The following MTA3 variants were observed in gnomAD, a reference collection of about 807,000 sequenced individuals.
MTA3 encodes the protein metastasis associated 1 family member 3.
MTA3 carries 34 observed loss-of-function variants against 83.5 expected under a neutral mutation model. The ratio of observed to expected loss-of-function variants is 0.41; its 90% CI spans 0.31 to 0.54. MTA3 has a LOEUF of 0.54. MTA3 is among the 20% of genes least tolerant of loss of function. MTA3 has a pLI of 0.33. For synonymous variants in MTA3, 303 were observed against 252.7 expected, an observed-to-expected ratio of 1.20 and a Z score of -1.89; for missense variants, 761 against 726.4, an observed-to-expected ratio of 1.05 and a Z score of -0.55.
chr2:42,689,926 T>G (rs1323104070), intron 9 of MTA3, among the ~76,000 whole-genome samples: 1 of 152,164 alleles, frequency 6.6e-6, no homozygotes, highest in African/African-American at 2.4e-5. Context: ...TATTACTTCT[T>G]TCCTTTACAT....
chr2:42,564,103 G>A (rs1253463273), upstream of MTA3, among the ~76,000 whole-genome samples: 1 of 152,190 alleles, frequency 6.6e-6, no homozygotes, highest in Admixed American at 6.5e-5. Flanking sequence ...TTACAGGTGT[G>A]TGCCACTGTG....
chr2:42,584,158 A>C (rs1428568246), intron 3 of MTA3, among the ~76,000 whole-genome samples: 1 of 152,082 alleles, frequency 6.6e-6, no homozygotes, highest in Non-Finnish European at 1.5e-5. Context: ...CTCTTAAAAA[A>C]AACAAACTTT....
At chr2:42,535,404 T>A (rs1676182204) in intron 2 of MTA3, among the ~76,000 whole-genome samples, 1 of 151,176 alleles carries the variant, frequency 6.6e-6, no homozygotes, top group Non-Finnish European at 1.5e-5. Context: ...ACAGACAAAC[T>A]TTTTTTTTAT....
At chr2:42,631,630 G>A (rs1008682686) in intron 4 of MTA3, among the ~76,000 whole-genome samples, 4 of 152,106 alleles carry the variant, frequency 2.6e-5, no homozygotes, top group African/African-American at 9.7e-5. Flanking sequence ...GTCCCCTCAA[G>A]CATTCATACT....
chr2:42,575,358 G>A (rs553510229), intron 2 of MTA3, among the ~76,000 whole-genome samples: 15 of 152,284 alleles, frequency 9.9e-5, no homozygotes, highest in South Asian at 6.2e-4. Flanking sequence ...CATTCTGAGT[G>A]CCTTAGAATA....
chr2:42,601,470 T>A (rs1453864383), intron 3 of MTA3, among the ~76,000 whole-genome samples: 1 of 152,208 alleles, frequency 6.6e-6, no homozygotes, highest in Non-Finnish European at 1.5e-5. Flanking sequence ...GAGCACTGCC[T>A]TGTCTGTTTT....
In MTA3 at chr2:42,496,298, T is replaced by G. The variant is rs917781680; in HGVS notation, c.-141+1044T>G. Among the ~76,000 whole-genome samples, 19 of 152,350 alleles carry G rather than the reference T, an allele frequency of 1.2e-4. No individual in the cohort carries two copies. In the East Asian group the frequency reaches 1.9e-3, roughly 15 times the overall value. On this transcript the variant is annotated intron_variant, in intron 2 of 17. Coordinates refer to the MTA3 transcript ENST00000405592. ...TCATTTGTTTCAAGAGTAATATTTT[T>G]ATTTGATTTTAATATCATCAACCAC... is the stretch of plus-strand genomic sequence containing the variant.
chr2:42,745,605 C>T lies in MTA3; in HGVS notation c.1760-7769C>T, dbSNP rs115808103. Among the ~76,000 whole-genome samples, 828 of 152,164 alleles carry T rather than the reference C, an allele frequency of 5.4e-3. 3 individuals are homozygous for T. Among genetic ancestry groups the T allele is most frequent in the African/African-American group, 0.018 (739 of 41,494 alleles). On this transcript the variant is annotated intron_variant, in intron 16 of 16. Transcript: ENST00000405094. ...CTTGCTATGTTGCTCAAGCTGGTCTCGATTTCCCAGCCTTAAGCCATTCTC... is the reference window on the plus strand; with the variant it reads ...CTTGCTATGTTGCTCAAGCTGGTCTTGATTTCCCAGCCTTAAGCCATTCTC...
chr2:42,554,634 G>T (rs913917491), intron 2 of MTA3, among the ~76,000 whole-genome samples: 2 of 152,138 alleles, frequency 1.3e-5, no homozygotes, highest in African/African-American at 4.8e-5. Context: ...AAGCCAGCCC[G>T]AATGACAGCT....
chr2:42,572,769 C>G (rs1678634471), intron 2 of MTA3, among the ~76,000 whole-genome samples: 1 of 151,966 alleles, frequency 6.6e-6, no homozygotes, highest in South Asian at 2.1e-4. Flanking sequence ...CTCTTGTTGC[C>G]CAGACTGGAG....
intron 14 of MTA3, chr2:42,709,432 C>A: frequency 2.2e-6 from 1 of 456,288 alleles, no homozygotes; most frequent in Non-Finnish European, 3.4e-6. Context: ...TTAGGTAGTG[C>A]CACAATGTAA....
At chr2:42,715,929 T>G (rs1666994206) in intron 14 of MTA3, among the ~76,000 whole-genome samples, 1 of 152,202 alleles carries the variant, frequency 6.6e-6, no homozygotes, top group East Asian at 1.9e-4. Flanking sequence ...AAAGAAAAAT[T>G]TATCTTGTCC....
chr2:42,729,092 T>TG lies in MTA3; in HGVS notation c.1759+6057_1759+6058insG, dbSNP rs1553397736. On this transcript the variant is annotated intron_variant, in intron 16 of 16. Coordinates refer to ENST00000405094, the MANE Select transcript of MTA3 (RefSeq NM_001330442.2). ...TATTAGTTTCACAGTTTGAGTTTTT[T>TG]TTTTTTTTTTTTTTTTTTTTTCACA... is the stretch of plus-strand genomic sequence containing the variant. 0.013 allele frequency among the ~76,000 whole-genome samples: 1,488 copies of TG among 112,278 alleles called. 212 individuals are homozygous for TG. In the East Asian group the frequency reaches 0.19, roughly 14 times the overall value. The allele number at this position is 112,278 out of a possible 152,430, so 73.7% of individuals were successfully genotyped here. A position where few individuals can be genotyped will look rare whatever the true frequency, so the allele number is the denominator to read the frequency against.
At chr2:42,651,833 C>T (rs1017049633) in intron 6 of MTA3, among the ~76,000 whole-genome samples, 1 of 151,596 alleles carries the variant, frequency 6.6e-6, no homozygotes, top group Admixed American at 6.6e-5. Flanking sequence ...TGGTGGCTCA[C>T]TCGTAATCCC....
At chr2:42,657,244 A>G (rs1345205452) in intron 7 of MTA3, among the ~76,000 whole-genome samples, 1 of 152,230 alleles carries the variant, frequency 6.6e-6, no homozygotes, top group Non-Finnish European at 1.5e-5. Flanking sequence ...CACAATGCAG[A>G]GGAAAAAATA....
At chr2:42,607,482 C>A (rs189107377) in intron 3 of MTA3, among the ~76,000 whole-genome samples, 1 of 152,204 alleles carries the variant, frequency 6.6e-6, no homozygotes, top group East Asian at 1.9e-4. Context: ...TGGGCTCAAG[C>A]GATCCTCCTA....
At chr2:42,573,485 T>G (rs1678708567) in intron 2 of MTA3, among the ~76,000 whole-genome samples, 1 of 152,166 alleles carries the variant, frequency 6.6e-6, no homozygotes. Context: ...TAGCTGAGAC[T>G]ACAGGCATGT....
chr2:42,705,952 G>T (rs995833394), intron 12 of MTA3, among the ~76,000 whole-genome samples: 4 of 152,050 alleles, frequency 2.6e-5, no homozygotes, highest in Non-Finnish European at 5.9e-5. Flanking sequence ...CTTTCCAATT[G>T]AATTTGAGTT....
intron 16 of MTA3, among the ~76,000 whole-genome samples, chr2:42,741,326 C>T (rs1669010099): frequency 6.6e-6 from 1 of 152,216 alleles, no homozygotes; most frequent in Non-Finnish European, 1.5e-5. Flanking sequence ...GATTGTTTCA[C>T]TTTCGTATCA....
Sources: allele counts gnomAD v4.1 joint callset (sites outside exome capture counted in the v4.1 genomes callset), GRCh38; gene constraint gnomAD v4.1.1; transcripts MANE v1.5; gene names NCBI Gene and HGNC (gene_info 2026-07-23, HGNC 2026-07-21).